KAZN: variants seen among roughly 807,000 people sequenced by gnomAD.
KAZN encodes the protein kazrin, periplakin interacting protein.
KAZN carries 40 observed loss-of-function variants against 87.4 expected under a neutral mutation model. That is an observed-to-expected ratio of 0.46 (90% confidence interval 0.36 to 0.60). The LOEUF is 0.60. Among genes scored for constraint, KAZN ranks in the 20% least tolerant of loss-of-function variants. The probability of loss-of-function intolerance (pLI) is 0.00; values close to 1 mark genes in which losing one functional copy is unlikely to be tolerated. For missense variants in KAZN, 898 were observed against 1,073.9 expected (o/e 0.84, Z 2.29); for synonymous variants, 466 against 458.3 (o/e 1.02, Z -0.22).
intron 1 of KAZN, among the ~76,000 whole-genome samples, chr1:14,747,691 G>A (rs1401317842): frequency 6.6e-6 from 1 of 152,214 alleles, no homozygotes. Flanking sequence ...ATCAGTTTGA[G>A]TCCCTGTTTT....
chr1:14,319,703 T>C (rs542806036), intron 2 of KAZN, among the ~76,000 whole-genome samples: 1 of 152,288 alleles, frequency 6.6e-6, no homozygotes, highest in South Asian at 2.1e-4. Flanking sequence ...GAGGCTTGCC[T>C]TGTTTGTTTC....
rs528367725 is a variant in KAZN, at chr1:14,883,695, C to T, written c.227-76989C>T. 2.6e-4 allele frequency among the ~76,000 whole-genome samples: 40 copies of T among 152,278 alleles called. No individual in the cohort carries two copies. In the South Asian group the frequency reaches 3.3e-3, roughly 13 times the overall value. ...GGCTCTCCCTCCCTATCAAAGCCAGCCCATCCCCATCACATGGACACAGGC... is the reference window on the plus strand; with the variant it reads ...GGCTCTCCCTCCCTATCAAAGCCAGTCCATCCCCATCACATGGACACAGGC... On this transcript the variant is annotated intron_variant, in intron 1 of 14. Transcript: ENST00000376030.
At chr1:15,087,518 G>A (rs748394481) in intron 8 of KAZN, among the ~76,000 whole-genome samples, 15 of 151,680 alleles carry the variant, frequency 9.9e-5, no homozygotes, top group Non-Finnish European at 1.8e-4. Flanking sequence ...TCGGCCTCCC[G>A]AGTATCTGGG....
chr1:14,676,444 C>T (rs553751745), intron 1 of KAZN, among the ~76,000 whole-genome samples: 45 of 152,174 alleles, frequency 3.0e-4, no homozygotes, highest in African/African-American at 1.0e-3. Context: ...CCTCAGTTCC[C>T]GTCTCTGTGA....
chr1:14,098,326 A>G (rs1193676705), intron 1 of KAZN, among the ~76,000 whole-genome samples: 1 of 149,032 alleles, frequency 6.7e-6, no homozygotes, highest in Non-Finnish European at 1.5e-5. Context: ...AGCCTCTTCC[A>G]AACAAAGCAG....
At chr1:15,072,969 C>T (rs1050020639) in intron 8 of KAZN, among the ~76,000 whole-genome samples, 2 of 152,128 alleles carry the variant, frequency 1.3e-5, no homozygotes, top group Admixed American at 6.5e-5. Flanking sequence ...AGGAAGAGAC[C>T]GGCAAAATAT....
At chr1:14,688,912 G>A (rs576474560) in intron 1 of KAZN, among the ~76,000 whole-genome samples, 1 of 152,306 alleles carries the variant, frequency 6.6e-6, no homozygotes, top group South Asian at 2.1e-4. Context: ...TGATTGGTAA[G>A]GCTGGGCGCG....
intron 2 of KAZN, among the ~76,000 whole-genome samples, chr1:14,435,081 T>G (rs1305077335): frequency 1.3e-5 from 2 of 151,922 alleles, no homozygotes; most frequent in Non-Finnish European, 1.5e-5. Flanking sequence ...TAAACCCAAT[T>G]CTATTCTCCT....
intron 2 of KAZN, among the ~76,000 whole-genome samples, chr1:14,500,480 C>A (rs954794432): frequency 5.9e-5 from 9 of 151,912 alleles, no homozygotes; most frequent in Admixed American, 3.9e-4. Flanking sequence ...GTTATAGATG[C>A]CTATTTTTTA....
At chr1:13,987,032 T>A (rs1639051262) in intron 1 of KAZN, among the ~76,000 whole-genome samples, 1 of 149,734 alleles carries the variant, frequency 6.7e-6, no homozygotes, top group African/African-American at 2.4e-5. Context: ...AAAGAAAGTG[T>A]CTTCCATTGT....
intron 1 of KAZN, among the ~76,000 whole-genome samples, chr1:14,174,094 G>T (rs4145434): frequency 0.12 from 18,695 of 152,148 alleles, 1,270 homozygotes; most frequent in East Asian, 0.33. Flanking sequence ...TTTTCAATGG[G>T]TGTGAAGCAC....
chr1:14,990,790 C>T (rs540161983), intron 2 of KAZN, among the ~76,000 whole-genome samples: 146 of 151,528 alleles, frequency 9.6e-4, no homozygotes, highest in Non-Finnish European at 1.7e-3. Flanking sequence ...AGTCCTAACC[C>T]CCAGGACCTC....
chr1:14,925,728 C>T (rs987361484), intron 1 of KAZN, among the ~76,000 whole-genome samples: 2 of 152,160 alleles, frequency 1.3e-5, no homozygotes, highest in African/African-American at 4.8e-5. Flanking sequence ...AAAAGCCAAC[C>T]ACAAGGCCCC....
At chr1:14,746,553 C>T (rs944222848) in intron 1 of KAZN, among the ~76,000 whole-genome samples, 1 of 151,822 alleles carries the variant, frequency 6.6e-6, no homozygotes, top group African/African-American at 2.4e-5. Flanking sequence ...TCCGGGAAGG[C>T]TTCTCAGAGG....
intron 1 of KAZN, among the ~76,000 whole-genome samples, chr1:14,695,156 T>C (rs1641525595): frequency 1.3e-5 from 2 of 152,230 alleles, no homozygotes; most frequent in Admixed American, 6.5e-5. Flanking sequence ...GCAATGATGC[T>C]ATCATATTGC....
At chr1:14,177,761 T>C (rs888192740) in intron 1 of KAZN, among the ~76,000 whole-genome samples, 3 of 151,746 alleles carry the variant, frequency 2.0e-5, no homozygotes, top group Non-Finnish European at 4.4e-5. Context: ...GCTGGTTGAT[T>C]TTAAGATTTT....
chr1:14,146,361 C>G (rs1176778812), intron 1 of KAZN, among the ~76,000 whole-genome samples: 3 of 151,444 alleles, frequency 2.0e-5, no homozygotes, highest in East Asian at 1.9e-4. Flanking sequence ...ATGGTGAAAC[C>G]CTGTCTCTAC....
intron 2 of KAZN, among the ~76,000 whole-genome samples, chr1:14,455,118 T>C (rs1020526618): frequency 3.3e-5 from 5 of 152,200 alleles, no homozygotes; most frequent in Non-Finnish European, 7.4e-5. Context: ...TCTTTTATGC[T>C]CTAGTCTCAG....
chr1:14,386,769 G>T (rs572557083), intron 2 of KAZN, among the ~76,000 whole-genome samples: 29 of 151,622 alleles, frequency 1.9e-4, no homozygotes, highest in African/African-American at 6.5e-4. Flanking sequence ...TTTCAACTTC[G>T]GTGAATCTGA....
Sources: allele counts gnomAD v4.1 joint callset (sites outside exome capture counted in the v4.1 genomes callset), GRCh38; gene constraint gnomAD v4.1.1; transcripts MANE v1.5; gene names NCBI Gene and HGNC (gene_info 2026-07-23, HGNC 2026-07-21).